PRKG1: variants seen among roughly 807,000 people sequenced by gnomAD.
PRKG1 encodes the protein cGMP-dependent protein kinase 1.
A neutral mutation model predicts 88.1 loss-of-function variants in PRKG1; 35 were observed. The ratio of observed to expected loss-of-function variants is 0.40; its 90% confidence interval spans 0.30 to 0.53. PRKG1 has a LOEUF of 0.53. PRKG1 is among the 20% of genes least tolerant of loss of function. The pLI is 0.59. For synonymous variants in PRKG1, 303 were observed against 292.5 expected, an observed-to-expected ratio of 1.04 and a Z score of -0.37; for missense variants, 540 against 839.8, an observed-to-expected ratio of 0.64 and a Z score of 4.41.
chr10:51,058,096 A>G (rs1248274446), intron 1 of PRKG1, among the ~76,000 whole-genome samples: 1 of 152,112 alleles, frequency 6.6e-6, no homozygotes, highest in Admixed American at 6.6e-5. Context: ...TTCCCTGATG[A>G]CTAACGAAAT....
chr10:51,349,470 G>GTA lies in PRKG1; in HGVS notation c.479-118252_479-118251insAT, dbSNP rs750783427. ...TCATATTGTTTGTGTGTGTGTGTGT[G>GTA]TGTGTGTGTGTGTATGTGTGTGTGT... is the stretch of plus-strand genomic sequence containing the variant. On this transcript the variant is annotated intron_variant, in intron 2 of 17. Transcript: ENST00000373980. Among the ~76,000 whole-genome samples, 281 of 147,830 alleles carry GTA rather than the reference G, an allele frequency of 1.9e-3. 2 individuals are homozygous for GTA. Among genetic ancestry groups the GTA allele is most frequent in the African/African-American group, 6.2e-3 (251 of 40,310 alleles).
At chr10:52,211,092 T>C (rs1242977123) in intron 9 of PRKG1, among the ~76,000 whole-genome samples, 1 of 152,200 alleles carries the variant, frequency 6.6e-6, no homozygotes, top group Admixed American at 6.6e-5. Flanking sequence ...CTGCTACACT[T>C]CACTTTTTAA....
intron 5 of PRKG1, among the ~76,000 whole-genome samples, chr10:51,925,215 T>TTTTC (rs113750024): frequency 6.6e-6 from 1 of 151,272 alleles, no homozygotes; most frequent in Non-Finnish European, 1.5e-5. Flanking sequence ...TTTTGTCTGT[T>TTTTC]TGGCAAGAAG....
At chr10:51,045,406 C>T (rs1843475923) in intron 1 of PRKG1, among the ~76,000 whole-genome samples, 1 of 152,064 alleles carries the variant, frequency 6.6e-6, no homozygotes, top group Non-Finnish European at 1.5e-5. Flanking sequence ...ACTGCAACCT[C>T]CACTTCCTGG....
intron 3 of PRKG1, among the ~76,000 whole-genome samples, chr10:51,562,906 C>A (rs1837506275): frequency 6.6e-6 from 1 of 151,812 alleles, no homozygotes; most frequent in Non-Finnish European, 1.5e-5. Context: ...GTAGCTGAGA[C>A]TACAGGTGCA....
chr10:51,297,225 A>G (rs1043630851), intron 2 of PRKG1, among the ~76,000 whole-genome samples: 6 of 152,090 alleles, frequency 3.9e-5, no homozygotes, highest in African/African-American at 1.2e-4. Flanking sequence ...ACATTTAGAG[A>G]AAGTAAATGA....
At chr10:51,570,072 T>A (rs1837711039) in intron 3 of PRKG1, among the ~76,000 whole-genome samples, 1 of 147,582 alleles carries the variant, frequency 6.8e-6, no homozygotes, top group African/African-American at 2.6e-5. Flanking sequence ...TATATATGTG[T>A]GTGTGTGTTT....
intron 2 of PRKG1, among the ~76,000 whole-genome samples, chr10:51,279,524 AG>A (rs1459226654): frequency 6.6e-6 from 1 of 152,176 alleles, no homozygotes; most frequent in East Asian, 1.9e-4. Context: ...GTCTCTTTGT[AG>A]GTCTCTAAGG....
intron 3 of PRKG1, among the ~76,000 whole-genome samples, chr10:51,675,942 G>C (rs1478158562): frequency 6.6e-6 from 1 of 152,046 alleles, no homozygotes; most frequent in Non-Finnish European, 1.5e-5. Context: ...CATCATTTCA[G>C]GGAGGGTCGT....
intron 2 of PRKG1, among the ~76,000 whole-genome samples, chr10:51,348,982 G>T (rs561570747): frequency 6.6e-6 from 1 of 152,080 alleles, no homozygotes; most frequent in Non-Finnish European, 1.5e-5. Flanking sequence ...CTCACTTGGC[G>T]GCATTCATAC....
At chr10:51,128,928 A>G (rs945969509) in intron 1 of PRKG1, among the ~76,000 whole-genome samples, 1 of 152,306 alleles carries the variant, frequency 6.6e-6, no homozygotes, top group East Asian at 1.9e-4. Flanking sequence ...TATTTTAATG[A>G]TAGTAATTTT....
intron 5 of PRKG1, among the ~76,000 whole-genome samples, chr10:51,934,146 CA>C (rs1647186193): frequency 6.6e-6 from 1 of 151,996 alleles, no homozygotes; most frequent in East Asian, 1.9e-4. Context: ...AAAAAGCCAT[CA>C]CCCAGATTCC....
intron 3 of PRKG1, among the ~76,000 whole-genome samples, chr10:51,591,100 G>A (rs1838300616): frequency 6.6e-6 from 1 of 152,154 alleles, no homozygotes; most frequent in East Asian, 1.9e-4. Context: ...CAAATTGCCT[G>A]AACTCGGATT....
intron 3 of PRKG1, among the ~76,000 whole-genome samples, chr10:51,582,867 A>G (rs1838077632): frequency 6.6e-6 from 1 of 152,156 alleles, no homozygotes; most frequent in Non-Finnish European, 1.5e-5. Context: ...AGAAATATGA[A>G]TACTTTCCCA....
intron 8 of PRKG1, among the ~76,000 whole-genome samples, chr10:52,155,720 C>A (rs10824156): frequency 0.7 from 105,727 of 150,300 alleles, 38,637 homozygotes; most frequent in South Asian, 0.83. Flanking sequence ...ATTTGTTAAC[C>A]TATTGCCATT....
chr10:51,376,905 G>A (rs1284131117), intron 2 of PRKG1, among the ~76,000 whole-genome samples: 3 of 152,090 alleles, frequency 2.0e-5, no homozygotes, highest in Non-Finnish European at 1.5e-5. Flanking sequence ...TTGAACTCCT[G>A]ACCTCAGGTG....
chr10:51,202,417 G>A (rs567632774), intron 2 of PRKG1, among the ~76,000 whole-genome samples: 54 of 152,132 alleles, frequency 3.5e-4, no homozygotes, highest in African/African-American at 1.1e-3. Flanking sequence ...ATCCTCCACC[G>A]TTCTATCCTG....
intron 3 of PRKG1, among the ~76,000 whole-genome samples, chr10:51,541,181 G>C (rs943900862): frequency 1.3e-5 from 2 of 152,132 alleles, no homozygotes; most frequent in Admixed American, 1.3e-4. Context: ...TCAGGCATTA[G>C]TTGGTCTCAT....
chr10:52,088,620 C>T (rs1846975170), intron 7 of PRKG1, among the ~76,000 whole-genome samples: 1 of 152,168 alleles, frequency 6.6e-6, no homozygotes, highest in African/African-American at 2.4e-5. Flanking sequence ...GACACAGTAA[C>T]AGGGTGCCAT....
Sources: gnomAD v4.1 joint callset for allele counts (sites outside exome capture counted in the v4.1 genomes callset) on GRCh38, gnomAD v4.1.1 for gene constraint, MANE v1.5 for transcripts, NCBI Gene and HGNC (gene_info 2026-07-23, HGNC 2026-07-21) for gene names.